The following PTPRN2 variants were observed in gnomAD, a reference collection of about 807,000 sequenced individuals.
PTPRN2 encodes the protein receptor-type tyrosine-protein phosphatase N2.
A neutral mutation model predicts 118.8 loss-of-function variants in PTPRN2; 74 were observed. That is an observed-to-expected ratio of 0.62 (90% CI 0.52 to 0.76). The LOEUF is 0.76. Ranked by LOEUF, PTPRN2 falls within the 30% of genes least tolerant of loss-of-function variation. PTPRN2 has a pLI of 0.00. For missense variants in PTPRN2, 1,481 were observed against 1,394.4 expected (o/e 1.06, Z -0.99); for synonymous variants, 641 against 608.0 (o/e 1.05, Z -0.80).
At chr7:158,116,166 G>A (rs974010706) in intron 9 of PTPRN2, among the ~76,000 whole-genome samples, 6 of 152,196 alleles carry the variant, frequency 3.9e-5, no homozygotes, top group Non-Finnish European at 5.9e-5. Context: ...GAATGAACAC[G>A]AGAATGTCAA....
At chr7:157,804,172 G>A (rs926722241) in intron 12 of PTPRN2, among the ~76,000 whole-genome samples, 11 of 152,240 alleles carry the variant, frequency 7.2e-5, no homozygotes, top group African/African-American at 2.7e-4. Flanking sequence ...CTCACCGGGT[G>A]TGGAGGGGCC....
intron 11 of PTPRN2, among the ~76,000 whole-genome samples, chr7:157,972,405 A>G (rs1199708631): frequency 6.6e-6 from 1 of 152,230 alleles, no homozygotes; most frequent in East Asian, 1.9e-4. Flanking sequence ...ACAGCAGCTC[A>G]GGACGAGAGA....
At chr7:158,146,592 G>A (rs1275352864) in intron 6 of PTPRN2, among the ~76,000 whole-genome samples, 2 of 150,660 alleles carry the variant, frequency 1.3e-5, no homozygotes, top group East Asian at 1.9e-4. Context: ...GTGGTGGCGG[G>A]CGCCTGTAGT....
intron 1 of PTPRN2, among the ~76,000 whole-genome samples, chr7:158,524,288 C>CGTCTGCCCTGGAGTGGA (rs1824576638): frequency 1.5e-5 from 1 of 68,044 alleles, no homozygotes. Flanking sequence ...GGTGTGGAGT[C>CGTCTGCCCTGGAGTGGA]GTCTGCCCTG....
intron 2 of PTPRN2, among the ~76,000 whole-genome samples, chr7:158,483,222 C>T (rs1392986715): frequency 1.3e-5 from 2 of 152,166 alleles, no homozygotes; most frequent in Non-Finnish European, 2.9e-5. Context: ...ATTAATCTGT[C>T]TTTTGTTACA....
chr7:157,675,812 T>C (rs1027743160), intron 13 of PTPRN2, among the ~76,000 whole-genome samples: 2 of 152,130 alleles, frequency 1.3e-5, no homozygotes, highest in Non-Finnish European at 2.9e-5. Context: ...GAGGCCCCAG[T>C]TCATAGATGA....
intron 14 of PTPRN2, among the ~76,000 whole-genome samples, chr7:157,624,313 C>T (rs1328841403): frequency 1.3e-5 from 2 of 151,986 alleles, no homozygotes; most frequent in East Asian, 3.9e-4. Flanking sequence ...CCCAACTACT[C>T]GGGAGACTGA....
At position 157,858,181 on chromosome 7, in the gene PTPRN2, CCA is replaced by C. The variant is rs1563179282; in HGVS notation, c.1788+40490_1788+40491del. On this transcript the variant is annotated intron_variant, in intron 12 of 22. Transcript: ENST00000389418. ...CCCACACTCCTGCAGGGAGAGCCTCCCAGCCACCACCCACACTCCTGCAGGGA... is the reference window on the plus strand; with the variant it reads ...CCCACACTCCTGCAGGGAGAGCCTCCGCCACCACCCACACTCCTGCAGGGA... 3.3e-3 allele frequency among the ~76,000 whole-genome samples: 105 copies of C among 31,752 alleles called. 9 individuals are homozygous for C. Among genetic ancestry groups the C allele is most frequent in the Middle Eastern group, 0.012 (1 of 82 alleles). The allele number at this position is 31,752 out of a possible 152,430, so 20.8% of individuals were successfully genotyped here.
Position 158,568,384 on chromosome 7 carries a change from C to G in PTPRN2, c.112+19174G>C, listed in dbSNP as rs74410268. Among the ~76,000 whole-genome samples the G allele has an allele frequency of 3.9e-4, 60 of 152,024 alleles. 3 individuals carry two copies. In the South Asian group the frequency reaches 3.9e-3, roughly 10 times the overall value. ...AAGCTCACACACAATATAGCGAAGC[C>G]AAACTTTTATATGTCACTCCCAGAG... On this transcript the variant is annotated intron_variant, in intron 1 of 22. Coordinates refer to ENST00000389418, the MANE Select transcript of PTPRN2 (RefSeq NM_002847.5).
At chr7:158,150,096 G>T (rs1019701100) in intron 6 of PTPRN2, among the ~76,000 whole-genome samples, 4 of 152,186 alleles carry the variant, frequency 2.6e-5, no homozygotes, top group African/African-American at 7.2e-5. Flanking sequence ...TGGGGCAGAA[G>T]GCTGCCGTGG....
intron 11 of PTPRN2, among the ~76,000 whole-genome samples, chr7:158,062,857 C>T (rs551533683): frequency 9.2e-5 from 14 of 152,352 alleles, no homozygotes; most frequent in Admixed American, 6.5e-4. Context: ...GCCTCCCCTT[C>T]GCCATGGGCT....
chr7:158,127,801 C>A (rs556312440), intron 9 of PTPRN2, among the ~76,000 whole-genome samples: 1 of 152,302 alleles, frequency 6.6e-6, no homozygotes, highest in South Asian at 2.1e-4. Flanking sequence ...CCTCCCTATA[C>A]CTGGTGTCCG....
intron 1 of PTPRN2, among the ~76,000 whole-genome samples, chr7:158,490,146 G>C (rs905483627): frequency 4.6e-5 from 7 of 152,314 alleles, no homozygotes; most frequent in Admixed American, 3.9e-4. Context: ...CCCCTGGACC[G>C]GGTGCTCACC....
chr7:158,110,508 G>A (rs1412295252), intron 10 of PTPRN2, among the ~76,000 whole-genome samples: 2 of 152,158 alleles, frequency 1.3e-5, no homozygotes, highest in Non-Finnish European at 2.9e-5. Context: ...TGTTCTCTGG[G>A]GTGGGCCCTC....
intron 6 of PTPRN2, among the ~76,000 whole-genome samples, chr7:158,165,051 A>G (rs1585704959): frequency 8.1e-6 from 1 of 124,216 alleles, no homozygotes; most frequent in Non-Finnish European, 1.8e-5. Context: ...AGTACCCACA[A>G]GAGGCAGTGA....
intron 5 of PTPRN2, among the ~76,000 whole-genome samples, chr7:158,179,930 T>C (rs988361410): frequency 2.6e-5 from 4 of 152,238 alleles, no homozygotes; most frequent in Non-Finnish European, 4.4e-5. Flanking sequence ...CTCATGTAAT[T>C]AAAAGTAGCT....
intron 3 of PTPRN2, among the ~76,000 whole-genome samples, chr7:158,277,748 G>A (rs112218671): frequency 3.7e-4 from 57 of 152,322 alleles, no homozygotes; most frequent in African/African-American, 1.1e-3. Context: ...TTGCCCGGCC[G>A]GGGTTGTGGT....
At chr7:157,683,816 T>A (rs1290216919) in intron 12 of PTPRN2, among the ~76,000 whole-genome samples, 1 of 151,970 alleles carries the variant, frequency 6.6e-6, no homozygotes, top group Non-Finnish European at 1.5e-5. Flanking sequence ...CACAGGAAAA[T>A]GGGAAGGCCG....
chr7:158,293,575 C>G (rs985141895), intron 3 of PTPRN2, among the ~76,000 whole-genome samples: 1 of 146,666 alleles, frequency 6.8e-6, no homozygotes, highest in Non-Finnish European at 1.5e-5. Flanking sequence ...GACTCTGTCT[C>G]GAAAAAAAAA....
Sources: allele counts gnomAD v4.1 joint callset (sites outside exome capture counted in the v4.1 genomes callset), GRCh38; gene constraint gnomAD v4.1.1; transcripts MANE v1.5; gene names NCBI Gene and HGNC (gene_info 2026-07-23, HGNC 2026-07-21).